Variants in THSD7B observed in about 807,000 individuals in gnomAD.
The protein encoded by THSD7B is thrombospondin type-1 domain-containing protein 7B.
Under a neutral mutation model 213.6 loss-of-function variants are expected in THSD7B, and 138 were observed. That is an observed-to-expected ratio of 0.65 (90% CI 0.56 to 0.74). THSD7B has a LOEUF of 0.74. THSD7B is among the 30% of genes least tolerant of loss of function. THSD7B has a pLI of 0.00. For missense variants in THSD7B, 1,931 were observed against 1,991.5 expected (o/e 0.97, Z 0.58); for synonymous variants, 742 against 687.0 (o/e 1.08, Z -1.25).
intron 12 of THSD7B, among the ~76,000 whole-genome samples, chr2:137,371,223 G>A (rs1466014189): frequency 2.6e-5 from 4 of 151,918 alleles, no homozygotes; most frequent in African/African-American, 9.7e-5. Flanking sequence ...ACTCTTCCTT[G>A]GTCTTCTCTC....
chr2:137,070,581 CTTTAAG>C (rs1687463499), intron 3 of THSD7B, among the ~76,000 whole-genome samples: 1 of 150,302 alleles, frequency 6.7e-6, no homozygotes, highest in African/African-American at 2.5e-5. Context: ...TATTATTATA[CTTTAAG>C]TTTTAGGGTA....
Position 137,118,252 on chromosome 2 carries a change from T to C in THSD7B, c.1369+2959T>C, listed in dbSNP as rs1470876976. On this transcript the variant is annotated intron_variant, in intron 5 of 27. Transcript: ENST00000409968. ...AAGCTTGAATTTGGTAAGAACACTTTCTTCTTGCCTTTTCTCAAATAAAAT... is the reference window on the plus strand; with the variant it reads ...AAGCTTGAATTTGGTAAGAACACTTCCTTCTTGCCTTTTCTCAAATAAAAT... Among the ~76,000 whole-genome samples the C allele has an allele frequency of 4.6e-5, 7 of 152,318 alleles. No individual in the cohort carries two copies. The South Asian group carries it at 1.0e-3, about 23-fold the overall frequency.
rs1167643195 is a variant in THSD7B, at chr2:137,081,205, G to A, written c.951-13668G>A. On this transcript the variant is annotated intron_variant, in intron 3 of 27. Transcript: ENST00000409968. ...ATTGATCTGGATTAGATTTTCAGGGGATATAGTAGTTCGTTTCAATGTATA... is the reference window on the plus strand; with the variant it reads ...ATTGATCTGGATTAGATTTTCAGGGAATATAGTAGTTCGTTTCAATGTATA... Among the ~76,000 whole-genome samples the A allele has an allele frequency of 2.0e-5, 3 of 152,070 alleles. No homozygotes were observed. In the South Asian group the frequency reaches 6.2e-4, roughly 31 times the overall value.
chr2:136,831,765 T>A (rs188488820), intron 1 of THSD7B, among the ~76,000 whole-genome samples: 2 of 152,312 alleles, frequency 1.3e-5, no homozygotes, highest in African/African-American at 4.8e-5. Flanking sequence ...CCAAATATCA[T>A]CCTTTGAGGA....
chr2:137,022,150 A>G (rs1234497420), intron 2 of THSD7B, among the ~76,000 whole-genome samples: 2 of 152,210 alleles, frequency 1.3e-5, no homozygotes, highest in African/African-American at 4.8e-5. Context: ...TATAGTGAAC[A>G]TATGTGTACA....
intron 15 of THSD7B, among the ~76,000 whole-genome samples, chr2:137,555,886 C>T (rs963400621): frequency 5.9e-5 from 9 of 152,126 alleles, no homozygotes; most frequent in South Asian, 2.1e-4. Flanking sequence ...ATGAGAACTA[C>T]GTGACGAATG....
At chr2:137,458,654 T>C (rs897099278) in intron 15 of THSD7B, among the ~76,000 whole-genome samples, 1 of 152,164 alleles carries the variant, frequency 6.6e-6, no homozygotes, top group Non-Finnish European at 1.5e-5. Context: ...TATTGGCTAT[T>C]GTGTATGCTG....
intron 5 of THSD7B, among the ~76,000 whole-genome samples, chr2:137,124,236 G>A (rs1573837554): frequency 6.6e-6 from 1 of 152,258 alleles, no homozygotes; most frequent in Non-Finnish European, 1.5e-5. Context: ...AAAGCCAAGA[G>A]GTAATGAGGT....
chr2:137,175,362 A>G (rs1336101055), intron 7 of THSD7B, among the ~76,000 whole-genome samples: 3 of 152,220 alleles, frequency 2.0e-5, no homozygotes. Flanking sequence ...AAATGCCCAC[A>G]CTACTGAAGA....
chr2:136,964,978 T>C (rs1685288036), intron 2 of THSD7B, among the ~76,000 whole-genome samples: 1 of 137,160 alleles, frequency 7.3e-6, no homozygotes. Context: ...TCCACTGCAC[T>C]CCAGCCTGGG....
At chr2:137,089,004 A>G (rs1296561924) in intron 3 of THSD7B, among the ~76,000 whole-genome samples, 1 of 152,152 alleles carries the variant, frequency 6.6e-6, no homozygotes, top group Non-Finnish European at 1.5e-5. Context: ...AACAAGGAAC[A>G]CTTCCGCCCT....
intron 15 of THSD7B, among the ~76,000 whole-genome samples, chr2:137,475,045 G>C (rs1231956130): frequency 1.3e-5 from 2 of 152,100 alleles, no homozygotes; most frequent in African/African-American, 2.4e-5. Flanking sequence ...TTTCAGACAG[G>C]CCAGTGACCT....
intron 16 of THSD7B, among the ~76,000 whole-genome samples, chr2:137,568,774 G>A (rs1681292629): frequency 1.3e-5 from 2 of 152,116 alleles, no homozygotes; most frequent in South Asian, 4.1e-4. Context: ...CTTCCCATGA[G>A]GTATCTCCCT....
intron 12 of THSD7B, among the ~76,000 whole-genome samples, chr2:137,314,544 T>C (rs1021706207): frequency 6.6e-6 from 1 of 152,254 alleles, no homozygotes; most frequent in Non-Finnish European, 1.5e-5. Flanking sequence ...GTTCCATTGC[T>C]GGTGAGGAAC....
chr2:137,232,777 T>A (rs1681669007), intron 8 of THSD7B, 122 bp from the exon 9 acceptor site: 1 of 840,978 alleles, frequency 1.2e-6, no homozygotes, highest in African/African-American at 1.7e-5. Context: ...AACAGTGCAG[T>A]GGCTCAGGTC....
At chr2:137,592,043 T>C (rs1681875725) in intron 17 of THSD7B, among the ~76,000 whole-genome samples, 1 of 151,812 alleles carries the variant, frequency 6.6e-6, no homozygotes, top group African/African-American at 2.4e-5. Flanking sequence ...GCATCTGTTG[T>C]ATTATGCTAT....
At chr2:137,233,411 A>G (rs1558967747) in intron 9 of THSD7B, among the ~76,000 whole-genome samples, 1 of 152,234 alleles carries the variant, frequency 6.6e-6, no homozygotes, top group Non-Finnish European at 1.5e-5. Flanking sequence ...TGAATAATCA[A>G]ATTTTCTAGA....
intron 6 of THSD7B, among the ~76,000 whole-genome samples, chr2:137,165,297 A>G (rs1680103066): frequency 6.6e-6 from 1 of 152,248 alleles, no homozygotes; most frequent in Non-Finnish European, 1.5e-5. Context: ...CCCCTAGAGC[A>G]GAGAGAATTT....
At chr2:137,183,329 A>G (rs905418622) in intron 7 of THSD7B, among the ~76,000 whole-genome samples, 17 of 152,130 alleles carry the variant, frequency 1.1e-4, no homozygotes, top group Non-Finnish European at 2.1e-4. Flanking sequence ...ACACTGGTAT[A>G]ATATAGCTTG....
Sources: allele counts gnomAD v4.1 joint callset (sites outside exome capture counted in the v4.1 genomes callset), GRCh38; gene constraint gnomAD v4.1.1; transcripts MANE v1.5; gene names NCBI Gene and HGNC (gene_info 2026-07-23, HGNC 2026-07-21).